DCC: variants seen among roughly 807,000 people sequenced by gnomAD.
DCC encodes DCC netrin 1 receptor.
In DCC, 58 loss-of-function variants were observed where a neutral mutation model predicts 172.5. The observed-to-expected ratio is 0.34, with a 90% CI of 0.27 to 0.42. The LOEUF is 0.42. Among genes scored for constraint, DCC ranks in the 10% least tolerant of loss-of-function variants. The pLI, the probability that DCC is intolerant of heterozygous loss-of-function variation, is 1.00. For missense variants in DCC, 1,740 were observed against 1,791.0 expected, an observed-to-expected ratio of 0.97 and a Z score of 0.51; for synonymous variants, 709 against 644.5, an observed-to-expected ratio of 1.10 and a Z score of -1.52.
At chr18:52,406,487 G>A (rs1160663159) in intron 1 of DCC, among the ~76,000 whole-genome samples, 1 of 152,040 alleles carries the variant, frequency 6.6e-6, no homozygotes, top group African/African-American at 2.4e-5. Flanking sequence ...AAAAAGAATG[G>A]AGTTTTCAGA....
intron 1 of DCC, among the ~76,000 whole-genome samples, chr18:52,500,631 T>A (rs1291508429): frequency 1.3e-5 from 2 of 152,220 alleles, no homozygotes; most frequent in African/African-American, 4.8e-5. Context: ...AAACTTTAGA[T>A]GAATACAATT....
chr18:52,844,347 GAT>G, intron 2 of DCC, among the ~76,000 whole-genome samples: 1 of 152,244 alleles, frequency 6.6e-6, no homozygotes, highest in Non-Finnish European at 1.5e-5. Flanking sequence ...CAGATAGATA[GAT>G]ATAGATGTGA....
At chr18:52,511,425 C>T (rs866047753) in intron 1 of DCC, among the ~76,000 whole-genome samples, 2 of 152,024 alleles carry the variant, frequency 1.3e-5, no homozygotes, top group African/African-American at 4.8e-5. Flanking sequence ...AATGCATGTA[C>T]CTCTTCGACG....
At chr18:53,285,604 T>A (rs1469583413) in intron 12 of DCC, among the ~76,000 whole-genome samples, 1 of 152,204 alleles carries the variant, frequency 6.6e-6, no homozygotes, top group Non-Finnish European at 1.5e-5. Flanking sequence ...AAAGGAAATG[T>A]GGGGTCTGAG....
At chr18:52,714,928 C>T (rs1264780882) in intron 1 of DCC, among the ~76,000 whole-genome samples, 1 of 152,156 alleles carries the variant, frequency 6.6e-6, no homozygotes, top group African/African-American at 2.4e-5. Context: ...ACAGTTCCAG[C>T]TTCTCTCCAA....
chr18:52,582,242 G>A (rs956590183), intron 1 of DCC, among the ~76,000 whole-genome samples: 1 of 152,102 alleles, frequency 6.6e-6, no homozygotes, highest in African/African-American at 2.4e-5. Flanking sequence ...ATTAATGAAG[G>A]ACATTTTTAA....
chr18:52,618,302 T>C (rs527829318), intron 1 of DCC, among the ~76,000 whole-genome samples: 1 of 152,316 alleles, frequency 6.6e-6, no homozygotes, highest in East Asian at 1.9e-4. Flanking sequence ...AAATTTGTTT[T>C]TAAAAAAAAC....
At chr18:52,599,304 C>G in intron 1 of DCC, among the ~76,000 whole-genome samples, 1 of 152,054 alleles carries the variant, frequency 6.6e-6, no homozygotes, top group South Asian at 2.1e-4. Flanking sequence ...AACCAGGGGT[C>G]GAAAAACCTT....
intron 1 of DCC, among the ~76,000 whole-genome samples, chr18:52,388,050 C>T (rs994398943): frequency 1.3e-5 from 2 of 152,012 alleles, no homozygotes; most frequent in Non-Finnish European, 1.5e-5. Flanking sequence ...AGGGGCTCTC[C>T]CTGGTACCAG....
chr18:52,833,513 G>T (rs2038652857), intron 2 of DCC, among the ~76,000 whole-genome samples: 1 of 151,964 alleles, frequency 6.6e-6, no homozygotes, highest in Non-Finnish European at 1.5e-5. Flanking sequence ...TGTCACCTAG[G>T]CTAGAGTGTA....
At position 52,664,293 on chromosome 18, in the gene DCC, A is replaced by G. The variant is rs187823015; in HGVS notation, c.92-87761A>G. On this transcript the variant is annotated intron_variant, in intron 1 of 28. Coordinates refer to ENST00000442544, the MANE Select transcript of DCC (RefSeq NM_005215.4). ...GAGGTGTTGTGGGCCTGAGAAGATT[A>G]AGTTTAGGGAGCTAGTCCAGATAGC... Among the ~76,000 whole-genome samples the G allele has an allele frequency of 3.2e-4, 48 of 152,244 alleles. 3 individuals carry two copies. The East Asian group carries it at 8.5e-3, about 27-fold the overall frequency.
chr18:52,450,365 T>C (rs1988263117), intron 1 of DCC, among the ~76,000 whole-genome samples: 1 of 152,206 alleles, frequency 6.6e-6, no homozygotes, highest in South Asian at 2.1e-4. Flanking sequence ...AGTAAATGCT[T>C]ATTGAACATC....
intron 1 of DCC, among the ~76,000 whole-genome samples, chr18:52,574,795 TTTC>T (rs1231841116): frequency 6.6e-6 from 1 of 152,194 alleles, no homozygotes; most frequent in Non-Finnish European, 1.5e-5. Flanking sequence ...ATATGAATGT[TTTC>T]TTTGCCTCAT....
intron 5 of DCC, among the ~76,000 whole-genome samples, chr18:53,005,592 G>A (rs2041632008): frequency 6.6e-6 from 1 of 152,148 alleles, no homozygotes; most frequent in Non-Finnish European, 1.5e-5. Context: ...GCCGGGCAAA[G>A]TGGTGCGTGC....
chr18:53,290,328 C>G (rs550859226), intron 12 of DCC, among the ~76,000 whole-genome samples: 49 of 152,298 alleles, frequency 3.2e-4, no homozygotes, highest in African/African-American at 1.2e-3. Flanking sequence ...TTATGTGAAT[C>G]TGATCTATAA....
chr18:53,157,568 C>G, intron 8 of DCC, 56 bp downstream of exon 8: 1 of 1,580,412 alleles, frequency 6.3e-7, no homozygotes, highest in East Asian at 2.2e-5. Flanking sequence ...TAAGTCAATA[C>G]GGTTGGGTAA....
intron 13 of DCC, among the ~76,000 whole-genome samples, chr18:53,321,109 A>G (rs1334786899): frequency 6.6e-6 from 1 of 152,178 alleles, no homozygotes; most frequent in African/African-American, 2.4e-5. Context: ...AAAATCTTCA[A>G]ATATGTAATT....
intron 14 of DCC, among the ~76,000 whole-genome samples, chr18:53,331,231 T>A (rs1280398238): frequency 6.6e-6 from 1 of 152,250 alleles, no homozygotes; most frequent in East Asian, 1.9e-4. Context: ...TTGTTTGTTC[T>A]GAGACAAACC....
intron 2 of DCC, among the ~76,000 whole-genome samples, chr18:52,804,818 A>G (rs1759653040): frequency 6.6e-6 from 1 of 152,142 alleles, no homozygotes; most frequent in South Asian, 2.1e-4. Context: ...TCCTGACCTC[A>G]TGATCCACCC....
Sources: allele counts gnomAD v4.1 joint callset (sites outside exome capture counted in the v4.1 genomes callset), GRCh38; gene constraint gnomAD v4.1.1; transcripts MANE v1.5; gene names NCBI Gene and HGNC (gene_info 2026-07-23, HGNC 2026-07-21).